The following TTLL9 variants were observed in gnomAD, a reference collection of about 807,000 sequenced individuals.
TTLL9 encodes tubulin tyrosine ligase like 9.
In TTLL9, 47 loss-of-function variants were observed where a neutral mutation model predicts 65.6. The ratio of observed to expected loss-of-function variants is 0.72; its 90% CI spans 0.57 to 0.91. TTLL9 has a LOEUF of 0.91. Ranked by LOEUF, TTLL9 falls within the 40% of genes least tolerant of loss-of-function variation. TTLL9 has a pLI of 0.00. For synonymous variants in TTLL9, 179 were observed against 204.8 expected, an observed-to-expected ratio of 0.87 and a Z score of 1.07; for missense variants, 537 against 568.8, an observed-to-expected ratio of 0.94 and a Z score of 0.57.
intron 10 of TTLL9, among the ~76,000 whole-genome samples, chr20:31,932,471 C>CAAAAAAAAAAAAAAAAAAAAAAAAAAA (rs58783829): frequency 1.2e-5 from 1 of 86,480 alleles, no homozygotes. Flanking sequence ...GACCCTGTCT[C>CAAAAAAAAAAAAAAAAAAAAAAAAAAA]AAAAAAAAAA....
intron 13 of TTLL9, among the ~76,000 whole-genome samples, chr20:31,938,615 C>T (rs185781855): frequency 2.9e-4 from 44 of 152,290 alleles, no homozygotes; most frequent in East Asian, 1.9e-3. Flanking sequence ...TGGTGGCTCA[C>T]GCCTGTAATC....
At chr20:31,904,684 A>G (rs992960975) in intron 4 of TTLL9, among the ~76,000 whole-genome samples, 1 of 152,064 alleles carries the variant, frequency 6.6e-6, no homozygotes, top group African/African-American at 2.4e-5. Flanking sequence ...GCCTAAATCT[A>G]TTATTATTAC....
intron 13 of TTLL9, 92 bp from the exon 14 acceptor site, chr20:31,939,050 T>G (rs2064162957): frequency 7.1e-7 from 1 of 1,399,674 alleles, no homozygotes; most frequent in African/African-American, 1.5e-5. Flanking sequence ...CGGACATCAG[T>G]TGGGCTCAGG....
chr20:31,888,065 G>A (rs1373817681), intron 3 of TTLL9, among the ~76,000 whole-genome samples: 1 of 151,810 alleles, frequency 6.6e-6, no homozygotes. Flanking sequence ...TGTATTTTTA[G>A]TAGAGACAGG....
chr20:31,886,207 T>A (rs1051772244), intron 2 of TTLL9, among the ~76,000 whole-genome samples: 1 of 152,196 alleles, frequency 6.6e-6, no homozygotes, highest in Non-Finnish European at 1.5e-5. Flanking sequence ...TGGATTCCCA[T>A]CATTTTAAGC....
chr20:31,933,706 T>C, intron 10 of TTLL9, 94 bp from the exon 11 acceptor site: 1 of 1,202,110 alleles, frequency 8.3e-7, no homozygotes, highest in Non-Finnish European at 1.2e-6. Context: ...TTTCGTAGCC[T>C]TCCCCATCAA....
chr20:31,935,142 G>A (rs998983358), intron 12 of TTLL9, among the ~76,000 whole-genome samples: 13 of 152,170 alleles, frequency 8.5e-5, no homozygotes, highest in African/African-American at 3.1e-4. Flanking sequence ...CTGGCACTGG[G>A]AGGCCCTTCC....
At chr20:31,871,256 G>T in intron 2 of TTLL9, 61 bp downstream of exon 2, 1 of 1,561,054 alleles carries the variant, frequency 6.4e-7, no homozygotes, top group Non-Finnish European at 8.8e-7. Context: ...ACATCAGGAT[G>T]TATTAATAGC....
At chr20:31,898,779 TCA>T (rs2063425938) in intron 4 of TTLL9, among the ~76,000 whole-genome samples, 1 of 152,238 alleles carries the variant, frequency 6.6e-6, no homozygotes, top group African/African-American at 2.4e-5. Flanking sequence ...AAGATTATGT[TCA>T]GAGTTAGGAA....
chr20:31,872,436 G>A lies in TTLL9; in HGVS notation c.69+1241G>A, dbSNP rs1259429418. Among the ~76,000 whole-genome samples, 3 of 151,978 alleles carry A rather than the reference G, an allele frequency of 2.0e-5. No homozygotes were observed. In the East Asian group the frequency reaches 5.8e-4, roughly 29 times the overall value. The stretch of plus-strand genomic sequence containing the variant: ...TCAGGTCTGTAATCCCAGAACTTTG[G>A]GAGGCCAAGGCAGGAGGACTGTGTG... On this transcript the variant is annotated intron_variant, in intron 2 of 14. Coordinates refer to ENST00000535842, the MANE Select transcript of TTLL9 (RefSeq NM_001008409.5).
At position 31,890,374 on chromosome 20, in the gene TTLL9, C is replaced by G. The variant is rs116740902; in HGVS notation, c.113+3135C>G. On this transcript the variant is annotated intron_variant, in intron 3 of 14. Coordinates refer to ENST00000535842, the MANE Select transcript of TTLL9 (RefSeq NM_001008409.5). ...ACTGTTATTACTATTCTGCACCCTG[C>G]TTTTGTCACACAAAATGATATGTTT... Among the ~76,000 whole-genome samples, 395 of 151,874 alleles carry G rather than the reference C, an allele frequency of 2.6e-3. 4 individuals are homozygous for G. The highest frequency in any genetic ancestry group is 9.3e-3 in the African/African-American group (385 of 41,364).
intron 7 of TTLL9, 70 bp downstream of exon 7, chr20:31,920,002 T>G: frequency 1.5e-6 from 2 of 1,353,554 alleles, no homozygotes; most frequent in Non-Finnish European, 2.0e-6. Flanking sequence ...GGCCACTCCT[T>G]CCTGCAATCA....
intron 5 of TTLL9, among the ~76,000 whole-genome samples, chr20:31,908,998 T>C (rs2063602434): frequency 5.3e-5 from 8 of 151,914 alleles, no homozygotes; most frequent in Admixed American, 5.3e-4. Flanking sequence ...TATGGTGATT[T>C]CAGGGTGGAG....
chr20:31,890,150 C>T (rs199567792), intron 3 of TTLL9, among the ~76,000 whole-genome samples: 347 of 16,412 alleles, frequency 0.021, 2 homozygotes, highest in African/African-American at 0.056. Context: ...TCCTTCCTTC[C>T]TTCCTTCTTT....
intron 4 of TTLL9, among the ~76,000 whole-genome samples, chr20:31,904,736 G>A (rs947890809): frequency 6.6e-6 from 1 of 152,092 alleles, no homozygotes; most frequent in Non-Finnish European, 1.5e-5. Flanking sequence ...CCTTCTACAT[G>A]TATTAGGTGG....
At chr20:31,877,368 C>G (rs772645809) in intron 2 of TTLL9, among the ~76,000 whole-genome samples, 1 of 152,144 alleles carries the variant, frequency 6.6e-6, no homozygotes, top group Non-Finnish European at 1.5e-5. Flanking sequence ...CTGTTGACCT[C>G]GTGATCTGCC....
At chr20:31,881,803 C>T (rs915016617) in intron 2 of TTLL9, among the ~76,000 whole-genome samples, 13 of 152,058 alleles carry the variant, frequency 8.5e-5, no homozygotes, top group Non-Finnish European at 1.5e-4. Context: ...CCCTTGAACC[C>T]GACTGATTCC....
intron 2 of TTLL9, chr20:31,879,760 T>C (rs1208957896): frequency 7.3e-6 from 11 of 1,503,210 alleles, no homozygotes; most frequent in Admixed American, 2.0e-5. Flanking sequence ...GCCGAGAGCA[T>C]GCCCTTGGCT....
chr20:31,938,802 A>C (rs926700605), intron 13 of TTLL9, among the ~76,000 whole-genome samples: 2 of 152,158 alleles, frequency 1.3e-5, no homozygotes, highest in Non-Finnish European at 2.9e-5. Context: ...CACTTGAACC[A>C]GGAGGCAGAA....
Sources: gnomAD v4.1 joint callset for allele counts (sites outside exome capture counted in the v4.1 genomes callset) on GRCh38, gnomAD v4.1.1 for gene constraint, MANE v1.5 for transcripts, NCBI Gene and HGNC (gene_info 2026-07-23, HGNC 2026-07-21) for gene names.